Variants in TTC21A observed in about 807,000 individuals in gnomAD.
TTC21A encodes tetratricopeptide repeat domain 21A, also known as tetratricopeptide repeat protein 21A.
TTC21A carries 128 observed loss-of-function variants against 156.4 expected under a neutral mutation model. The ratio of observed to expected loss-of-function variants is 0.82; its 90% CI spans 0.71 to 0.95. The LOEUF (loss-of-function observed/expected upper bound fraction) is 0.95. Among genes scored for constraint, TTC21A ranks in the 40% least tolerant of loss-of-function variants. The probability of loss-of-function intolerance (pLI) is 0.00; values close to 1 mark genes in which losing one functional copy is unlikely to be tolerated. For missense variants in TTC21A, 1,435 were observed against 1,602.3 expected (o/e 0.90, Z 1.78); for synonymous variants, 587 against 617.1 (o/e 0.95, Z 0.72).
Position 39,125,178 on chromosome 3 carries a change from G to C in TTC21A, c.1191+18G>C. The stretch of plus-strand genomic sequence containing the variant: ...AGTCTGAGGTCAGAGCTCCCTGGGG[G>C]TATGGGTTGCTCCAGGATGATGTCC... On this transcript the variant is annotated intron_variant, in intron 10 of 28. Coordinates refer to ENST00000683103, the MANE Select transcript of TTC21A (RefSeq NM_001366900.1). 2 of 1,590,616 alleles carry C rather than the reference G, an allele frequency of 1.3e-6. No homozygotes were observed. The highest frequency in any genetic ancestry group is 1.1e-5 in the South Asian group (1 of 90,574).
chr3:39,130,584 CACTTT>C lies in TTC21A; in HGVS notation c.2320-115_2320-111del. On this transcript the variant is annotated intron_variant, in intron 17 of 28. Coordinates refer to ENST00000683103, the MANE Select transcript of TTC21A (RefSeq NM_001366900.1). This position sits in a 1 kb window ranked among gnomAD's most constrained non-coding sequence, Gnocchi z 4.5. The stretch of plus-strand genomic sequence containing the variant: ...GTGCCAGCTGGGAGGAGTGCCTTTT[CACTTT>C]AGGCTATGTTCTGGAGGGGCACACT... 1 of 1,357,382 alleles carries C rather than the reference CACTTT, an allele frequency of 7.4e-7. No homozygotes were observed. The highest frequency in any genetic ancestry group is 1.3e-5 in the South Asian group (1 of 74,524). 84.1% of individuals were successfully genotyped at this position (1,357,382 alleles called of 1,614,324 possible).
chr3:39,110,210 G>T (rs370002834), intron 3 of TTC21A, 71 bp downstream of exon 3: 8 of 1,184,380 alleles, frequency 6.8e-6, no homozygotes, highest in African/African-American at 4.5e-5. Context: ...AGATAACACA[G>T]CCCCTCAAGG....
chr3:39,120,979 C>T lies in TTC21A; in HGVS notation c.901-18C>T. ...GGACTGACTGGTTTCCCAATTCCCA[C>T]CTTCCTGTTTCTTGCAGTGTGGGAG... On this transcript the variant is annotated intron_variant, in intron 8 of 28. Coordinates refer to ENST00000683103, the MANE Select transcript of TTC21A (RefSeq NM_001366900.1). 1.3e-6 allele frequency: 2 copies of T among 1,579,860 alleles called. No homozygotes were observed. Among genetic ancestry groups the T allele is most frequent in the African/African-American group, 1.3e-5 (1 of 74,114 alleles).
At chr3:39,127,803 C>T (rs940494030) in intron 12 of TTC21A, among the ~76,000 whole-genome samples, 12 of 152,344 alleles carry the variant, frequency 7.9e-5, no homozygotes, top group Non-Finnish European at 1.5e-4. Context: ...CCAACTTCGC[C>T]CCTTCCAAGC....
intron 12 of TTC21A, among the ~76,000 whole-genome samples, chr3:39,126,597 C>G (rs1382523563): frequency 6.7e-6 from 1 of 148,734 alleles, no homozygotes; most frequent in African/African-American, 2.5e-5. Flanking sequence ...CACACACACA[C>G]ACACATGCAT....
At chr3:39,122,498 C>T (rs1449076794) in intron 9 of TTC21A, among the ~76,000 whole-genome samples, 1 of 152,118 alleles carries the variant, frequency 6.6e-6, no homozygotes, top group East Asian at 1.9e-4. Flanking sequence ...GACCAGCTTT[C>T]CCCAAAGAGT....
rs1266207927 is a variant in TTC21A at position 39,137,564 on chromosome 3, T to C, written c.3529T>C (p.Leu1177=). Residue 1177 remains leucine (L), a synonymous_variant, in exon 26 of 29, where the codon TTG becomes CTG. Transcript: ENST00000683103. ...LKQIPKARMQ[L]KRLAKTPWVL... ...GCAGATCCCCAAGGCGCGTATGCAG[T>C]TGAAGCGCCTGGCCAAGACCCCCTG... is the stretch of plus-strand genomic sequence containing the variant. 6.2e-7 allele frequency: 1 copy of C among 1,614,086 alleles called. No homozygotes were observed. Among genetic ancestry groups the C allele is most frequent in the Non-Finnish European group, 8.5e-7 (1 of 1,180,038 alleles).
chr3:39,132,581 A>G (rs2038815619), intron 19 of TTC21A: 1 of 171,012 alleles, frequency 5.8e-6, no homozygotes, highest in Non-Finnish European at 1.2e-5. Flanking sequence ...CCTACAGCTT[A>G]ACCCTGGCAT....
chr3:39,110,227 A>C lies in TTC21A; in HGVS notation c.268+88A>C, dbSNP rs773342308. On this transcript the variant is annotated intron_variant, in intron 3 of 28. Transcript: ENST00000683103. ...ATAACACAGCCCCTCAAGGGCTGCC[A>C]AAGGAGGTATGTGCCCTGGTGGCTG... is the stretch of plus-strand genomic sequence containing the variant. 5.8e-5 allele frequency: 57 copies of C among 990,476 alleles called. No homozygotes were observed. The African/African-American group carries it at 6.1e-4, about 11-fold the overall frequency. 61.4% of individuals were successfully genotyped at this position (990,476 alleles called of 1,614,324 possible). A position where few individuals can be genotyped will look rare whatever the true frequency, so the allele number is the denominator to read the frequency against.
At chr3:39,132,858 C>G in intron 19 of TTC21A, 194 bp from the exon 20 acceptor site, 1 of 610,732 alleles carries the variant, frequency 1.6e-6, no homozygotes, top group Non-Finnish European at 2.9e-6. Context: ...CTGCTCCTGC[C>G]CCCAGAGGCA....
chr3:39,120,118 C>G (rs2037636539), intron 8 of TTC21A, 98 bp downstream of exon 8: 1 of 838,720 alleles, frequency 1.2e-6, no homozygotes, highest in Admixed American at 2.2e-5. Flanking sequence ...TGCCTTACCC[C>G]TCCCTTCTGG....
At position 39,121,045 on chromosome 3, in the gene TTC21A, C is replaced by G. The variant is rs750107530; in HGVS notation, c.949C>G (p.Arg317Gly). 4 of 1,613,424 alleles carry G rather than the reference C, an allele frequency of 2.5e-6. No homozygotes were observed. The highest frequency in any genetic ancestry group is 1.3e-5 in the African/African-American group (1 of 74,870). Residue 317 changes from arginine (R) to glycine (G), a missense_variant, in exon 9 of 29, where the codon CGC becomes GGC. By Grantham distance (125) the Arg-to-Gly change is moderately radical. Coordinates refer to ENST00000683103, the MANE Select transcript of TTC21A (RefSeq NM_001366900.1). ...AGGGCTAGTGTGTAGTTTCATCGAG[C>G]GCACCTTCATGGCCACCCCCTCGTA... Reference protein sequence around the residue: ...ILGLVCSFIERTFMATPSYVH... With the variant: ...ILGLVCSFIEGTFMATPSYVH...
chr3:39,136,746 C>T, intron 23 of TTC21A, 153 bp from the exon 24 acceptor site: 5 of 1,087,170 alleles, frequency 4.6e-6, no homozygotes, highest in Non-Finnish European at 6.5e-6. Flanking sequence ...GCATCCAACA[C>T]ACAGGTCCGA....
At chr3:39,125,603 G>A (rs1055273213) in intron 11 of TTC21A, 71 bp downstream of exon 11, 1 of 1,157,332 alleles carries the variant, frequency 8.6e-7, no homozygotes, top group Middle Eastern at 2.0e-4. Flanking sequence ...CTGAAGGACA[G>A]AGGCAAGGAC....
At chr3:39,127,016 A>T (rs1265509687) in intron 12 of TTC21A, among the ~76,000 whole-genome samples, 8 of 152,198 alleles carry the variant, frequency 5.3e-5, no homozygotes, top group Non-Finnish European at 1.0e-4. Context: ...TTGAAAAGGT[A>T]TCCAGAAAGA....
Position 39,129,226 on chromosome 3 carries a change from C to T in TTC21A, c.2051C>T (p.Ser684Phe). ...NMLRNILPKQSCYMEAREKMA... is the reference protein window; with the variant it reads ...NMLRNILPKQFCYMEAREKMA... Reference sequence around the variant, plus strand: ...CTAAGGAACATCTTGCCCAAGCAGTCCTGCTATATGGAAGCCAGAGAGAAG... The same window carrying T: ...CTAAGGAACATCTTGCCCAAGCAGTTCTGCTATATGGAAGCCAGAGAGAAG... Residue 684 changes from serine to phenylalanine, a missense_variant, in exon 15 of 29, where the codon TCC becomes TTC. Transcript: ENST00000683103. 1 of 1,614,200 alleles carries T rather than the reference C, an allele frequency of 6.2e-7. No homozygotes were observed. Among genetic ancestry groups the T allele is most frequent in the Non-Finnish European group, 8.5e-7 (1 of 1,180,032 alleles).
At chr3:39,135,844 A>G (rs557711635) in intron 22 of TTC21A, among the ~76,000 whole-genome samples, 2 of 152,282 alleles carry the variant, frequency 1.3e-5, no homozygotes, top group African/African-American at 4.8e-5. Flanking sequence ...TCACAAGGTC[A>G]GGGGATCGAA....
chr3:39,138,421 C>T lies in TTC21A; in HGVS notation c.3796+34C>T, dbSNP rs758684629. 22 of 1,613,496 alleles carry T rather than the reference C, an allele frequency of 1.4e-5. No homozygotes were observed. In the African/African-American group the frequency reaches 2.0e-4, roughly 15 times the overall value. On this transcript the variant is annotated intron_variant, in intron 27 of 28. Coordinates refer to ENST00000683103, the MANE Select transcript of TTC21A (RefSeq NM_001366900.1). The stretch of plus-strand genomic sequence containing the variant: ...ACCAGCCAGGGTGCACGTGAATGGA[C>T]GTGGGAGGGAGGTGGGCAGGAGGGC...
intron 20 of TTC21A, among the ~76,000 whole-genome samples, chr3:39,133,972 A>G (rs1336531991): frequency 1.3e-5 from 2 of 152,192 alleles, no homozygotes; most frequent in Admixed American, 1.3e-4. Flanking sequence ...GTGAGGCCAG[A>G]GGTGAAGCTG....
Sources: allele counts gnomAD v4.1 joint callset (sites outside exome capture counted in the v4.1 genomes callset), GRCh38; gene constraint gnomAD v4.1.1; non-coding constraint Gnocchi (gnomAD v3.1); transcripts MANE v1.5; gene names NCBI Gene and HGNC (gene_info 2026-07-23, HGNC 2026-07-21).